MKLN1: variants seen among roughly 807,000 people sequenced by gnomAD.
The protein encoded by MKLN1 is muskelin 1, also known as muskelin.
Under a neutral mutation model 99.0 loss-of-function variants are expected in MKLN1, and 18 were observed. That is an observed-to-expected ratio of 0.18 (90% confidence interval 0.13 to 0.27). MKLN1 has a LOEUF of 0.27. Ranked by LOEUF, MKLN1 falls within the 10% of genes least tolerant of loss-of-function variation. The pLI is 1.00. For missense variants in MKLN1, 621 were observed against 875.9 expected (o/e 0.71, Z 3.67); for synonymous variants, 288 against 293.2 (o/e 0.98, Z 0.18).
chr7:131,352,312 T>G (rs1799744236), intron 1 of MKLN1, among the ~76,000 whole-genome samples: 2 of 152,166 alleles, frequency 1.3e-5, no homozygotes, highest in East Asian at 3.9e-4. Flanking sequence ...TGACTTTATA[T>G]AACATGCTTT....
At chr7:131,406,196 G>A (rs1794702046) in intron 6 of MKLN1, among the ~76,000 whole-genome samples, 1 of 151,684 alleles carries the variant, frequency 6.6e-6, no homozygotes, top group Admixed American at 6.6e-5. Flanking sequence ...ATTAAGATCT[G>A]TTTTCATTTC....
intron 3 of MKLN1, chr7:131,203,118 G>T (rs980148091): frequency 6.6e-6 from 1 of 152,172 alleles, no homozygotes; most frequent in East Asian, 1.9e-4. Flanking sequence ...TTCACATAAT[G>T]TTATTTGATT....
rs1191131472 is a variant in MKLN1, at chr7:131,173,974, C to CTT, written c.-296-28868_-296-28867dup. On this transcript the variant is annotated intron_variant, in intron 2 of 7. Coordinates refer to the MKLN1 transcript ENST00000416992. ...AGAGTTTAAAGACCTTTTTCTTTTTCTTTTTTTTTTTTTTTTGAGACGGGA... is the reference window on the plus strand; with the variant it reads ...AGAGTTTAAAGACCTTTTTCTTTTTCTTTTTTTTTTTTTTTTTTGAGACGGGA... Among the ~76,000 whole-genome samples the CTT allele has an allele frequency of 4.5e-4, 59 of 129,684 alleles. 1 individual carries two copies. Among genetic ancestry groups the CTT allele is most frequent in the South Asian group, 2.1e-3 (9 of 4,290 alleles). The allele number at this position is 129,684 out of a possible 152,430, so 85.1% of individuals were successfully genotyped here.
chr7:131,114,248 A>G (rs1795240822), intron 1 of MKLN1, among the ~76,000 whole-genome samples: 1 of 152,208 alleles, frequency 6.6e-6, no homozygotes, highest in Non-Finnish European at 1.5e-5. Context: ...ATATATCCTG[A>G]GGTCCAAGAT....
At chr7:131,247,211 T>TA (rs769435028) in intron 3 of MKLN1, among the ~76,000 whole-genome samples, 26 of 147,498 alleles carry the variant, frequency 1.8e-4, no homozygotes, top group Middle Eastern at 3.4e-3. Flanking sequence ...AGCTTTTTTT[T>TA]ACCTTTTCTT....
chr7:131,489,710 T>C lies in MKLN1; in HGVS notation c.*1982T>C, dbSNP rs1797375412. ...CACCATTTATTTTTACAGTGCTTTG[T>C]AATTTTTTTCATCAGTTCCTTAAAT... On this transcript the variant is annotated 3_prime_UTR_variant, in exon 18 of 18. Transcript: ENST00000352689. 6.6e-6 allele frequency: 1 copy of C among 152,198 alleles called. No individual in the cohort carries two copies. Among genetic ancestry groups the C allele is most frequent in the African/African-American group, 2.4e-5 (1 of 41,458 alleles). The allele number at this position is 152,198 out of a possible 1,614,324, so 9.4% of individuals were successfully genotyped here. A position where few individuals can be genotyped will look rare whatever the true frequency, so the allele number is the denominator to read the frequency against.
intron 8 of MKLN1, among the ~76,000 whole-genome samples, chr7:131,419,007 C>G (rs957754279): frequency 6.6e-6 from 1 of 152,034 alleles, no homozygotes; most frequent in Non-Finnish European, 1.5e-5. Context: ...AAATACTATT[C>G]AGAAGTCTAA....
chr7:131,298,426 G>A (rs1033610118), intron 3 of MKLN1, among the ~76,000 whole-genome samples: 1 of 152,240 alleles, frequency 6.6e-6, no homozygotes, highest in African/African-American at 2.4e-5. Flanking sequence ...TGAGAGGACA[G>A]CCTCTATCTG....
intron 5 of MKLN1, among the ~76,000 whole-genome samples, chr7:131,398,653 T>C (rs1326869470): frequency 6.6e-6 from 1 of 151,216 alleles, no homozygotes; most frequent in Admixed American, 6.6e-5. Context: ...ATTATGCCGC[T>C]ACAGTCCAGC....
In MKLN1 at chr7:131,327,954, G is replaced by A; in HGVS notation, c.55G>A (p.Ala19Thr). Residue 19 changes from alanine to threonine, a missense_variant, in exon 1 of 18, where the codon GCG (alanine) becomes ACG (threonine). By Grantham distance (58) the Ala-to-Thr change is moderately conservative. Transcript: ENST00000352689. ...AAPECRLLPYALHKWSSFSST... is the reference protein window; with the variant it reads ...AAPECRLLPYTLHKWSSFSST... ...GCCCGAGTGCCGGCTTCTCCCCTAC[G>A]CGCTACACAAGTGGAGCTCCTTTTC... 1 of 1,613,796 alleles carries A rather than the reference G, an allele frequency of 6.2e-7. No homozygotes were observed. Among genetic ancestry groups the A allele is most frequent in the Non-Finnish European group, 8.5e-7 (1 of 1,179,862 alleles).
chr7:131,459,007 A>G (rs1796431273), intron 12 of MKLN1, among the ~76,000 whole-genome samples: 2 of 152,366 alleles, frequency 1.3e-5, no homozygotes, highest in East Asian at 1.9e-4. Context: ...TCAAAGTTTT[A>G]CGTGGCATGT....
intron 2 of MKLN1, among the ~76,000 whole-genome samples, chr7:131,149,140 G>A (rs1022568363): frequency 3.9e-5 from 6 of 152,200 alleles, no homozygotes; most frequent in African/African-American, 1.4e-4. Flanking sequence ...CATTTATGGA[G>A]ATTTAGTAGA....
At chr7:131,335,345 A>G (rs944109445) in intron 1 of MKLN1, among the ~76,000 whole-genome samples, 1 of 152,186 alleles carries the variant, frequency 6.6e-6, no homozygotes, top group Non-Finnish European at 1.5e-5. Flanking sequence ...GGTTTTGCTT[A>G]TGATGAAATT....
intron 17 of MKLN1, among the ~76,000 whole-genome samples, chr7:131,486,671 C>T (rs188073153): frequency 1.4e-4 from 22 of 152,138 alleles, no homozygotes; most frequent in South Asian, 6.2e-4. Context: ...CATTTAGCAG[C>T]GCTCTCATGT....
chr7:131,152,489 GTTTC>G lies in MKLN1; in HGVS notation c.-297+9552_-297+9555del, dbSNP rs1466089445. On this transcript the variant is annotated intron_variant, in intron 2 of 7. Coordinates refer to the MKLN1 transcript ENST00000416992. The stretch of plus-strand genomic sequence containing the variant: ...ATAACTTACTTTTGTTGTTGTTGTT[GTTTC>G]TTTTTTTCTTTTTTTTTTTTTTTGG... 2.9e-5 allele frequency among the ~76,000 whole-genome samples: 4 copies of G among 136,052 alleles called. No individual in the cohort carries two copies. In the East Asian group the frequency reaches 8.8e-4, roughly 30 times the overall value. The allele number at this position is 136,052 out of a possible 152,430, so 89.3% of individuals were successfully genotyped here.
chr7:131,251,670 C>CTTT (rs71311093), intron 3 of MKLN1, among the ~76,000 whole-genome samples: 22 of 143,836 alleles, frequency 1.5e-4, no homozygotes, highest in South Asian at 2.2e-4. Flanking sequence ...GCAACATTTT[C>CTTT]TTTTTTTTTT....
chr7:131,203,276 T>G (rs941716318), intron 3 of MKLN1, among the ~76,000 whole-genome samples: 1 of 152,214 alleles, frequency 6.6e-6, no homozygotes, highest in African/African-American at 2.4e-5. Context: ...GGTTTAATAA[T>G]AATTGAATTT....
At chr7:131,121,595 C>T (rs919841382) in intron 1 of MKLN1, among the ~76,000 whole-genome samples, 7 of 141,026 alleles carry the variant, frequency 5.0e-5, no homozygotes, top group South Asian at 2.2e-4. Flanking sequence ...GCCGAGATCG[C>T]GCCACTGCAC....
At chr7:131,389,281 A>G (rs902290833) in intron 4 of MKLN1, among the ~76,000 whole-genome samples, 3 of 152,106 alleles carry the variant, frequency 2.0e-5, no homozygotes, top group African/African-American at 7.2e-5. Context: ...ATCTTTTCCA[A>G]ATGTTTTCTC....
Sources: allele counts gnomAD v4.1 joint callset (sites outside exome capture counted in the v4.1 genomes callset), GRCh38; gene constraint gnomAD v4.1.1; transcripts MANE v1.5; gene names NCBI Gene and HGNC (gene_info 2026-07-23, HGNC 2026-07-21).